SPSB1: variants seen among roughly 807,000 people sequenced by gnomAD.
SPSB1 encodes the protein SPRY domain-containing SOCS box protein 1.
SPSB1 carries 8 observed loss-of-function variants against 21.2 expected under a neutral mutation model. That is an observed-to-expected ratio of 0.38 (90% CI 0.22 to 0.68). The LOEUF (loss-of-function observed/expected upper bound fraction) is 0.68, where lower values mean the gene tolerates loss of function less well. Among genes scored for constraint, SPSB1 ranks in the 30% least tolerant of loss-of-function variants. The probability of loss-of-function intolerance (pLI) is 0.53; values close to 1 mark genes in which losing one functional copy is unlikely to be tolerated. For synonymous variants in SPSB1, 169 were observed against 161.7 expected (o/e 1.05, Z -0.34); for missense variants, 242 against 377.8 (o/e 0.64, Z 2.98).
chr1:9,319,990 C>T (rs1268232626), intron 1 of SPSB1, among the ~76,000 whole-genome samples: 1 of 152,102 alleles, frequency 6.6e-6, no homozygotes, highest in African/African-American at 2.4e-5. Context: ...AGGCAGGACC[C>T]TCGACTTCTC....
Position 9,324,844 on chromosome 1 carries a change from T to G in SPSB1, c.-149-30899T>G, listed in dbSNP as rs990087505. ...GACAGTCGTGTTTGCGACAAGTCTG[T>G]TCGCCTGGCCGTGGAGCCAGCACGG... is the stretch of plus-strand genomic sequence containing the variant. On this transcript the variant is annotated intron_variant, in intron 1 of 2. Transcript: ENST00000328089. This position sits in a 1 kb window ranked among gnomAD's most constrained non-coding sequence, Gnocchi z 4.3. 2.0e-5 allele frequency among the ~76,000 whole-genome samples: 3 copies of G among 152,198 alleles called. No individual in the cohort carries two copies. Among genetic ancestry groups the G allele is most frequent in the African/African-American group, 7.2e-5 (3 of 41,460 alleles).
At chr1:9,311,763 A>G (rs1639524163) in intron 1 of SPSB1, among the ~76,000 whole-genome samples, 1 of 151,922 alleles carries the variant, frequency 6.6e-6, no homozygotes, top group Admixed American at 6.6e-5. Flanking sequence ...TTTATCTACC[A>G]CGTTTTGTGT....
At chr1:9,352,553 G>A (rs1378793687) in intron 1 of SPSB1, among the ~76,000 whole-genome samples, 1 of 152,132 alleles carries the variant, frequency 6.6e-6, no homozygotes, top group African/African-American at 2.4e-5. Flanking sequence ...TTACTATCGC[G>A]CCCATTTCAG....
At chr1:9,316,570 C>A (rs1181923112) in intron 1 of SPSB1, among the ~76,000 whole-genome samples, 1 of 152,060 alleles carries the variant, frequency 6.6e-6, no homozygotes, top group East Asian at 1.9e-4. Context: ...GGGGGCTGAT[C>A]GAAGCGGGTT....
At chr1:9,359,705 GAAAAAA>G (rs70979734) in intron 2 of SPSB1, among the ~76,000 whole-genome samples, 1 of 131,188 alleles carries the variant, frequency 7.6e-6, no homozygotes, top group African/African-American at 2.8e-5. Flanking sequence ...CCGTCTCTGG[GAAAAAA>G]AAAAAAAAAA....
chr1:9,320,309 G>T (rs1481710505), intron 1 of SPSB1, among the ~76,000 whole-genome samples: 1 of 152,222 alleles, frequency 6.6e-6, no homozygotes, highest in African/African-American at 2.4e-5. Flanking sequence ...CTTGGGCCGG[G>T]ACTGTCCTCT....
chr1:9,331,453 C>A (rs1639918809), intron 1 of SPSB1, among the ~76,000 whole-genome samples: 1 of 150,788 alleles, frequency 6.6e-6, no homozygotes, highest in African/African-American at 2.4e-5. Context: ...GCCTCTGCCT[C>A]CTGGGTAGCT....
rs534972913 is a variant in SPSB1, at chr1:9,305,732, A to G, written c.-150+12661A>G. Among the ~76,000 whole-genome samples, 4 of 152,316 alleles carry G rather than the reference A, an allele frequency of 2.6e-5. No homozygotes were observed. The East Asian group carries it at 7.7e-4, about 29-fold the overall frequency. On this transcript the variant is annotated intron_variant, in intron 1 of 2. Transcript: ENST00000328089. This position sits in a 1 kb window ranked among gnomAD's most constrained non-coding sequence, Gnocchi z 4.8. ...GCTGTTAGTGGGCCACTTGTCATTC[A>G]TGCTTTTATTCAAACATTTGCTGAG...
Position 9,331,637 on chromosome 1 carries a change from CATTCTT to C in SPSB1, c.-149-24103_-149-24098del, listed in dbSNP as rs542599659. 5.3e-5 allele frequency among the ~76,000 whole-genome samples: 8 copies of C among 152,182 alleles called. No individual in the cohort carries two copies. In the South Asian group the frequency reaches 1.7e-3, roughly 32 times the overall value. On this transcript the variant is annotated intron_variant, in intron 1 of 2. Transcript: ENST00000328089. ...TGAGTCACCGTGCCTAGCCGGCACTCATTCTTATGGGCTCACGCACCAGGGGTGGAA... is the reference window on the plus strand; with the variant it reads ...TGAGTCACCGTGCCTAGCCGGCACTCATGGGCTCACGCACCAGGGGTGGAA...
intron 2 of SPSB1, among the ~76,000 whole-genome samples, chr1:9,364,563 C>G (rs548667209): frequency 9.2e-5 from 14 of 152,274 alleles, no homozygotes; most frequent in Non-Finnish European, 1.8e-4. Context: ...GAACCCAGTC[C>G]CACCCCATCA....
Position 9,353,824 on chromosome 1 carries a change from A to G in SPSB1, c.-149-1919A>G, listed in dbSNP as rs540217189. 4.6e-5 allele frequency among the ~76,000 whole-genome samples: 7 copies of G among 152,122 alleles called. No homozygotes were observed. In the East Asian group the frequency reaches 1.2e-3, roughly 25 times the overall value. On this transcript the variant is annotated intron_variant, in intron 1 of 2. Transcript: ENST00000328089. ...TCCCAGCTACTTGAGAGGCATAGGCAGGAGAATCGCTTGAACCCAGGAAGC... is the reference window on the plus strand; with the variant it reads ...TCCCAGCTACTTGAGAGGCATAGGCGGGAGAATCGCTTGAACCCAGGAAGC...
chr1:9,316,571 G>A (rs963603265), intron 1 of SPSB1, among the ~76,000 whole-genome samples: 32 of 152,118 alleles, frequency 2.1e-4, no homozygotes, highest in Admixed American at 3.9e-4. Flanking sequence ...GGGGCTGATC[G>A]AAGCGGGTTC....
intron 1 of SPSB1, chr1:9,339,149 G>A: frequency 1.1e-6 from 1 of 942,290 alleles, no homozygotes; most frequent in Non-Finnish European, 1.3e-6. Context: ...GGCTCCGGAG[G>A]TCCTGCCCTC....
At chr1:9,353,874 C>T (rs1322684765) in intron 1 of SPSB1, among the ~76,000 whole-genome samples, 4 of 151,098 alleles carry the variant, frequency 2.6e-5, no homozygotes, top group South Asian at 2.1e-4. Flanking sequence ...GACGAGATAG[C>T]GCCATTGCAC....
rs1288132724 is a variant in SPSB1, at chr1:9,356,023, C to T, written c.132C>T (p.Pro44=). ...GGCTGGATCTGCTACTGGACATGCC[C>T]CCTGTGTCCTATGATGTCCAGCTGC... The part of the protein sequence containing the change: ...PTRLDLLLDM[P]PVSYDVQLLH... The change falls in exon 2 of 3, where the codon CCC becomes CCT. Residue 44 remains proline (P), a synonymous_variant. Coordinates refer to ENST00000328089, the MANE Select transcript of SPSB1 (RefSeq NM_025106.4). The surrounding 1 kb of genome is among the most constrained non-coding windows in gnomAD (Gnocchi z 7.4). 1 of 1,614,018 alleles carries T rather than the reference C, an allele frequency of 6.2e-7. No homozygotes were observed. Among genetic ancestry groups the T allele is most frequent in the African/African-American group, 1.3e-5 (1 of 74,924 alleles).
intron 1 of SPSB1, among the ~76,000 whole-genome samples, chr1:9,349,068 T>C (rs1640209786): frequency 6.6e-6 from 1 of 152,182 alleles, no homozygotes; most frequent in South Asian, 2.1e-4. Flanking sequence ...TCGTGTCATC[T>C]GGTGTCCCCG....
chr1:9,350,480 C>T (rs1044510688), intron 1 of SPSB1, among the ~76,000 whole-genome samples: 2 of 152,238 alleles, frequency 1.3e-5, no homozygotes, highest in Admixed American at 6.5e-5. Flanking sequence ...CAGGCGCCGC[C>T]GGCCAGGGCA....
chr1:9,313,786 G>T (rs1312923688), intron 1 of SPSB1, among the ~76,000 whole-genome samples: 1 of 152,242 alleles, frequency 6.6e-6, no homozygotes, highest in Non-Finnish European at 1.5e-5. Flanking sequence ...CTGGCCCTCA[G>T]CAGGTGCTCA....
Position 9,346,702 on chromosome 1 carries a change from ACCT to A in SPSB1, c.-149-9033_-149-9031del, listed in dbSNP as rs1312931463. ...TGCTCTCAGTGCCTCATTCCTCCTCACCTCCTCCTCTTCCCTGGCGTTGGTCTA... is the reference window on the plus strand; with the variant it reads ...TGCTCTCAGTGCCTCATTCCTCCTCACCTCCTCTTCCCTGGCGTTGGTCTA... On this transcript the variant is annotated intron_variant, in intron 1 of 2. Coordinates refer to ENST00000328089, the MANE Select transcript of SPSB1 (RefSeq NM_025106.4). The surrounding 1 kb of genome is among the most constrained non-coding windows in gnomAD (Gnocchi z 4.4). 6.6e-6 allele frequency among the ~76,000 whole-genome samples: 1 copy of A among 150,928 alleles called. No individual in the cohort carries two copies. The highest frequency in any genetic ancestry group is 2.4e-5 in the African/African-American group (1 of 40,902).
Sources: gnomAD v4.1 joint callset for allele counts (sites outside exome capture counted in the v4.1 genomes callset) on GRCh38, gnomAD v4.1.1 for gene constraint, Gnocchi (gnomAD v3.1) non-coding constraint, MANE v1.5 for transcripts, NCBI Gene and HGNC (gene_info 2026-07-23, HGNC 2026-07-21) for gene names.